The following DLGAP1 variants were observed in gnomAD, a reference collection of about 807,000 sequenced individuals.
DLGAP1 encodes disks large-associated protein 1.
Under a neutral mutation model 90.8 loss-of-function variants are expected in DLGAP1, and 11 were observed. The observed-to-expected ratio is 0.12, with a 90% CI of 0.08 to 0.20. The LOEUF (loss-of-function observed/expected upper bound fraction) is 0.20, where lower values mean the gene tolerates loss of function less well. DLGAP1 is among the 10% of genes least tolerant of loss of function. The pLI is 1.00. For missense variants in DLGAP1, 1,050 were observed against 1,333.8 expected (o/e 0.79, Z 3.31); for synonymous variants, 558 against 540.7 (o/e 1.03, Z -0.44).
chr18:3,905,425 CA>C (rs894387417), intron 3 of DLGAP1, among the ~76,000 whole-genome samples: 2 of 127,838 alleles, frequency 1.6e-5, no homozygotes, highest in Non-Finnish European at 1.7e-5. Flanking sequence ...AGGGAAGAAC[CA>C]AAAAAAGTAT....
At chr18:3,741,017 TCACCACCACCAC>T (rs1304279132) in intron 6 of DLGAP1, among the ~76,000 whole-genome samples, 471 of 36,102 alleles carry the variant, frequency 0.013, 1 homozygote, top group African/African-American at 0.022. Context: ...ACCACCACCA[TCACCACCACCAC>T]CACCACCATC....
At chr18:4,097,318 T>C (rs905630408) in intron 2 of DLGAP1, among the ~76,000 whole-genome samples, 2 of 152,220 alleles carry the variant, frequency 1.3e-5, no homozygotes, top group South Asian at 4.1e-4. Flanking sequence ...CCTGGCACTT[T>C]CCATCTTCCC....
At chr18:4,424,658 T>C (rs996595270) in intron 1 of DLGAP1, among the ~76,000 whole-genome samples, 17 of 152,226 alleles carry the variant, frequency 1.1e-4, no homozygotes, top group African/African-American at 4.1e-4. Context: ...TGTGGGATTC[T>C]GATTTAATTC....
At chr18:3,805,548 G>T (rs867002288) in intron 5 of DLGAP1, among the ~76,000 whole-genome samples, 16 of 152,270 alleles carry the variant, frequency 1.1e-4, no homozygotes, top group African/African-American at 3.9e-4. Flanking sequence ...TTAAAAAATG[G>T]TCATTCCACT....
chr18:4,027,114 T>C (rs2074713112), intron 2 of DLGAP1, among the ~76,000 whole-genome samples: 2 of 152,164 alleles, frequency 1.3e-5, no homozygotes, highest in South Asian at 2.1e-4. Flanking sequence ...ATAGTCAGCA[T>C]GCTTTTTAGG....
At chr18:3,681,887 G>A (rs1319574746) in intron 7 of DLGAP1, among the ~76,000 whole-genome samples, 3 of 152,102 alleles carry the variant, frequency 2.0e-5, no homozygotes, top group Non-Finnish European at 4.4e-5. Flanking sequence ...GGAGGCTGAG[G>A]TGGGTGGATC....
At chr18:3,856,430 G>T (rs534051822) in intron 4 of DLGAP1, among the ~76,000 whole-genome samples, 93 of 152,266 alleles carry the variant, frequency 6.1e-4, no homozygotes, top group African/African-American at 2.1e-3. Flanking sequence ...TGAGAGAATT[G>T]TGATTGCTAA....
intron 1 of DLGAP1, among the ~76,000 whole-genome samples, chr18:4,246,064 T>A (rs925443381): frequency 6.6e-6 from 1 of 152,342 alleles, no homozygotes; most frequent in South Asian, 2.1e-4. Flanking sequence ...CTTCATCTTA[T>A]TATCACTGAA....
chr18:3,758,109 G>GGAA (rs2063794750), intron 5 of DLGAP1, among the ~76,000 whole-genome samples: 1 of 72,042 alleles, frequency 1.4e-5, no homozygotes, highest in African/African-American at 4.8e-5. Flanking sequence ...TCTATCTTGA[G>GGAA]AAAAAAAAAA....
intron 2 of DLGAP1, among the ~76,000 whole-genome samples, chr18:4,108,103 T>C (rs1372947056): frequency 2.0e-5 from 3 of 152,178 alleles, no homozygotes; most frequent in Middle Eastern, 3.2e-3. Context: ...TCCCCTGAAG[T>C]GGGCCATAGA....
chr18:4,341,841 T>C (rs186872663), intron 1 of DLGAP1, among the ~76,000 whole-genome samples: 49 of 152,240 alleles, frequency 3.2e-4, no homozygotes, highest in African/African-American at 1.1e-3. Context: ...TTTGAAAGAA[T>C]AGTGAAGTGA....
At chr18:3,725,848 A>G (rs1478134453) in intron 7 of DLGAP1, among the ~76,000 whole-genome samples, 2 of 152,204 alleles carry the variant, frequency 1.3e-5, no homozygotes, top group Admixed American at 6.5e-5. Context: ...TACCTAGAGG[A>G]TCCCTGCAGC....
intron 1 of DLGAP1, among the ~76,000 whole-genome samples, chr18:4,162,586 T>C (rs1196279319): frequency 6.6e-6 from 1 of 152,192 alleles, no homozygotes; most frequent in African/African-American, 2.4e-5. Context: ...ATTAATCCAT[T>C]TGAAGTCTTT....
At chr18:4,043,795 C>T (rs1000951952) in intron 2 of DLGAP1, among the ~76,000 whole-genome samples, 12 of 152,166 alleles carry the variant, frequency 7.9e-5, no homozygotes, top group African/African-American at 2.2e-4. Flanking sequence ...ATTGGAGCAA[C>T]GGGACCAGCA....
chr18:4,189,230 G>A (rs2144719101), intron 1 of DLGAP1, among the ~76,000 whole-genome samples: 1 of 152,060 alleles, frequency 6.6e-6, no homozygotes, highest in African/African-American at 2.4e-5. Context: ...TTTTTTCTTG[G>A]TAATTTCCAA....
At chr18:3,864,254 G>C (rs551563484) in intron 4 of DLGAP1, among the ~76,000 whole-genome samples, 55 of 152,310 alleles carry the variant, frequency 3.6e-4, no homozygotes, top group African/African-American at 1.1e-3. Context: ...GCGAAGAAAT[G>C]CAACGCTTAG....
chr18:4,137,814 T>C (rs182120452), intron 2 of DLGAP1, among the ~76,000 whole-genome samples: 358 of 152,268 alleles, frequency 2.4e-3, no homozygotes, highest in Non-Finnish European at 3.6e-3. Context: ...ATCAGTGTTT[T>C]ATAGGTTTCA....
At chr18:3,854,933 C>T (rs1355496259) in intron 4 of DLGAP1, among the ~76,000 whole-genome samples, 1 of 152,128 alleles carries the variant, frequency 6.6e-6, no homozygotes, top group Admixed American at 6.5e-5. Flanking sequence ...AAGAGGGATG[C>T]TTTTCTTGGG....
At chr18:4,050,320 A>T (rs192123583) in intron 2 of DLGAP1, among the ~76,000 whole-genome samples, 679 of 152,328 alleles carry the variant, frequency 4.5e-3, no homozygotes, top group Non-Finnish European at 7.3e-3. Flanking sequence ...CATTATACAC[A>T]TATTTACGTA....
Sources: allele counts gnomAD v4.1 joint callset (sites outside exome capture counted in the v4.1 genomes callset), GRCh38; gene constraint gnomAD v4.1.1; transcripts MANE v1.5; gene names NCBI Gene and HGNC (gene_info 2026-07-23, HGNC 2026-07-21).